ACTN2: variants seen among roughly 807,000 people sequenced by gnomAD.
ACTN2 encodes the protein actinin alpha 2, also known as alpha-actinin-2.
A neutral mutation model predicts 113.8 loss-of-function variants in ACTN2; 39 were observed. The ratio of observed to expected loss-of-function variants is 0.34; its 90% CI spans 0.27 to 0.45. The LOEUF (loss-of-function observed/expected upper bound fraction) is 0.45, where lower values mean the gene tolerates loss of function less well. Among genes scored for constraint, ACTN2 ranks in the 20% least tolerant of loss-of-function variants. ACTN2 has a pLI of 1.00. For missense variants in ACTN2, 992 were observed against 1,177.9 expected, an observed-to-expected ratio of 0.84 and a Z score of 2.31; for synonymous variants, 429 against 444.1, an observed-to-expected ratio of 0.97 and a Z score of 0.43.
chr1:236,720,467 A>G (rs1162276357), intron 4 of ACTN2, among the ~76,000 whole-genome samples: 1 of 152,212 alleles, frequency 6.6e-6, no homozygotes, highest in Non-Finnish European at 1.5e-5. Context: ...ATTGCTTATT[A>G]TACTAGTAAA....
intron 1 of ACTN2, among the ~76,000 whole-genome samples, chr1:236,696,768 C>T (rs1029033397): frequency 6.6e-6 from 1 of 151,220 alleles, no homozygotes; most frequent in Non-Finnish European, 1.5e-5. Flanking sequence ...CGGGTTCAAG[C>T]GATTCTCCTA....
At chr1:236,759,259 A>G (rs1659636966) in intron 18 of ACTN2, among the ~76,000 whole-genome samples, 1 of 152,182 alleles carries the variant, frequency 6.6e-6, no homozygotes, top group Non-Finnish European at 1.5e-5. Flanking sequence ...CCTGTACACA[A>G]CCATCTCTTG....
rs1007022790 is a variant in ACTN2, at chr1:236,754,632, G to T, written c.1975-387G>T. Among the ~76,000 whole-genome samples, 2 of 152,170 alleles carry T rather than the reference G, an allele frequency of 1.3e-5. No homozygotes were observed. On this transcript the variant is annotated intron_variant, in intron 16 of 20. Coordinates refer to ENST00000366578, the MANE Select transcript of ACTN2 (RefSeq NM_001103.4). The surrounding 1 kb of genome is among the most constrained non-coding windows in gnomAD (Gnocchi z 4.9). ...AATATAAGAAATTCTGATGGAGGAA[G>T]CATCCCGTGGGTCTTCAATCTGTCT...
intron 10 of ACTN2, 123 bp downstream of exon 10, chr1:236,739,655 T>A (rs7544174): frequency 1.7e-6 from 2 of 1,184,080 alleles, no homozygotes; most frequent in Non-Finnish European, 2.4e-6. Context: ...GTGAATATCA[T>A]TTTGGCCCTG....
chr1:236,687,775 G>C lies in ACTN2; in HGVS notation c.126+976G>C, dbSNP rs370951445. On this transcript the variant is annotated intron_variant, in intron 1 of 20. Coordinates refer to ENST00000366578, the MANE Select transcript of ACTN2 (RefSeq NM_001103.4). Reference sequence around the variant, plus strand: ...AGCTGATTGTGCGATAGTATTTGGTGAATAGGGGTATGATGGTGGAGAACA... The same window carrying C: ...AGCTGATTGTGCGATAGTATTTGGTCAATAGGGGTATGATGGTGGAGAACA... 1.1e-4 allele frequency among the ~76,000 whole-genome samples: 17 copies of C among 152,334 alleles called. No individual in the cohort carries two copies. In the East Asian group the frequency reaches 2.9e-3, roughly 26 times the overall value.
intron 1 of ACTN2, 50 bp from the exon 2 acceptor site, chr1:236,717,808 A>G (rs1167287594): frequency 4.6e-6 from 6 of 1,297,814 alleles, no homozygotes; most frequent in African/African-American, 2.9e-5. Flanking sequence ...TGAGGAAGGG[A>G]TCTGAAATCC....
intron 9 of ACTN2, among the ~76,000 whole-genome samples, chr1:236,737,889 C>T (rs1226125684): frequency 1.3e-5 from 2 of 152,196 alleles, no homozygotes; most frequent in African/African-American, 4.8e-5. Flanking sequence ...CACTGTTTTC[C>T]CAAATACAAG....
intron 1 of ACTN2, among the ~76,000 whole-genome samples, chr1:236,698,418 G>A (rs983212379): frequency 5.9e-5 from 9 of 152,250 alleles, no homozygotes; most frequent in African/African-American, 2.2e-4. Context: ...ATAGAAAACC[G>A]TAATCCACTT....
chr1:236,723,779 A>G (rs1030295985), intron 4 of ACTN2, among the ~76,000 whole-genome samples: 2 of 152,146 alleles, frequency 1.3e-5, no homozygotes, highest in South Asian at 4.1e-4. Flanking sequence ...ATTTAGATAA[A>G]TAATTACAAA....
intron 12 of ACTN2, among the ~76,000 whole-genome samples, chr1:236,746,114 C>G (rs370266221): frequency 7.0e-6 from 1 of 143,268 alleles, no homozygotes; most frequent in East Asian, 2.1e-4. Flanking sequence ...TGCAGTGAGC[C>G]GAGATCAGGC....
chr1:236,700,682 G>C (rs1384312806), intron 1 of ACTN2, among the ~76,000 whole-genome samples: 2 of 152,186 alleles, frequency 1.3e-5, no homozygotes, highest in Non-Finnish European at 2.9e-5. Flanking sequence ...TGAGGATGCT[G>C]AATTTGATAC....
chr1:236,721,015 G>GGTTTTTGTTTTTTTTTTTTTTTTTT, intron 4 of ACTN2, among the ~76,000 whole-genome samples: 7 of 49,138 alleles, frequency 1.4e-4, no homozygotes, highest in African/African-American at 2.0e-4. Context: ...TCTGGTTTTT[G>GGTTTTTGTTTTTTTTTTTTTTTTTT]TTTTTTGTTT....
intron 1 of ACTN2, among the ~76,000 whole-genome samples, chr1:236,694,044 TA>T (rs1657384374): frequency 6.6e-6 from 1 of 152,074 alleles, no homozygotes; most frequent in Non-Finnish European, 1.5e-5. Flanking sequence ...CTCCTCCACC[TA>T]TCTTAGTAGT....
At chr1:236,691,864 C>A (rs1666095682) in intron 1 of ACTN2, among the ~76,000 whole-genome samples, 1 of 152,128 alleles carries the variant, frequency 6.6e-6, no homozygotes, top group Non-Finnish European at 1.5e-5. Context: ...TGTGTTTGTG[C>A]ACGTGTGATA....
intron 1 of ACTN2, among the ~76,000 whole-genome samples, chr1:236,687,092 T>C (rs1665900681): frequency 6.6e-6 from 1 of 152,154 alleles, no homozygotes; most frequent in Non-Finnish European, 1.5e-5. Flanking sequence ...GTCTCTGGTC[T>C]GCTCCTGACC....
intron 1 of ACTN2, among the ~76,000 whole-genome samples, chr1:236,715,798 A>G (rs562646160): frequency 3.8e-4 from 58 of 152,270 alleles, no homozygotes; most frequent in Middle Eastern, 6.8e-3. Flanking sequence ...TCTACTAAAA[A>G]TACAAAAATC....
rs1203291298 is a variant in ACTN2, at chr1:236,686,731, A to G, written c.58A>G (p.Met20Val). The G allele has an allele frequency of 7.0e-6, 11 of 1,562,496 alleles. No individual in the cohort carries two copies. Among genetic ancestry groups the G allele is most frequent in the South Asian group, 1.2e-5 (1 of 86,288 alleles). Residue 20 changes from methionine (M) to valine (V), a missense_variant, in exon 1 of 21, where the codon ATG becomes GTG. By Grantham distance (21) the Met-to-Val change is conservative. Transcript: ENST00000366578. The part of the protein sequence containing the change: ...YNYVYDEDEY[M>V]IQEEEWDRDL... The stretch of plus-strand genomic sequence containing the variant: ...CTACGTGTACGACGAGGATGAGTAC[A>G]TGATCCAGGAGGAGGAGTGGGACCG...
chr1:236,757,422 T>C, intron 17 of ACTN2, 64 bp from the exon 18 acceptor site: 8 of 1,605,490 alleles, frequency 5.0e-6, no homozygotes, highest in Non-Finnish European at 6.8e-6. Context: ...GTTATGAAAG[T>C]AAAGAGGCAG....
chr1:236,744,058 A>G (rs918213635), intron 11 of ACTN2, among the ~76,000 whole-genome samples: 14 of 152,246 alleles, frequency 9.2e-5, no homozygotes, highest in Admixed American at 3.3e-4. Flanking sequence ...TCCACTCGTG[A>G]CCACAGCAGT....
Sources: gnomAD v4.1 joint callset for allele counts (sites outside exome capture counted in the v4.1 genomes callset) on GRCh38, gnomAD v4.1.1 for gene constraint, Gnocchi (gnomAD v3.1) non-coding constraint, MANE v1.5 for transcripts, NCBI Gene and HGNC (gene_info 2026-07-23, HGNC 2026-07-21) for gene names.